CPD: variants seen among roughly 807,000 people sequenced by gnomAD.
The protein encoded by CPD is metallocarboxypeptidase D.
In CPD, 69 loss-of-function variants were observed where a neutral mutation model predicts 138.3. The observed-to-expected ratio is 0.50, with a 90% CI of 0.41 to 0.61. The LOEUF is 0.61. Ranked by LOEUF, CPD falls within the 20% of genes least tolerant of loss-of-function variation. The pLI, the probability that CPD is intolerant of heterozygous loss-of-function variation, is 0.00. For missense variants in CPD, 1,432 were observed against 1,733.3 expected, an observed-to-expected ratio of 0.83 and a Z score of 3.09; for synonymous variants, 651 against 642.1, an observed-to-expected ratio of 1.01 and a Z score of -0.21.
chr17:30,385,112 C>T lies in CPD; in HGVS notation c.870C>T (p.Tyr290=), dbSNP rs958801459. Residue 290 remains tyrosine, a synonymous_variant, in exon 2 of 21, where the codon TAC becomes TAT. Transcript: ENST00000225719. ...CCTCAGATGATGAAGTATTTAAATA[C>T]TTGGCAAAAGCTTATGCTTCAAACC... ...SKTSDDEVFK[Y]LAKAYASNHP... 6 of 1,613,922 alleles carry T rather than the reference C, an allele frequency of 3.7e-6. No individual in the cohort carries two copies. The highest frequency in any genetic ancestry group is 4.2e-6 in the Non-Finnish European group (5 of 1,179,984).
rs890591373 is a variant in CPD, at chr17:30,443,360, A to G, written c.2374-442A>G. Among the ~76,000 whole-genome samples, 6 of 152,292 alleles carry G rather than the reference A, an allele frequency of 3.9e-5. No homozygotes were observed. The South Asian group carries it at 1.2e-3, about 32-fold the overall frequency. Reference sequence around the variant, plus strand: ...ATACTTAGTTTATATTTAAATGTCCATATTTGTCCCCAAAATGTAATTTTA... The same window carrying G: ...ATACTTAGTTTATATTTAAATGTCCGTATTTGTCCCCAAAATGTAATTTTA... On this transcript the variant is annotated intron_variant, in intron 10 of 20. Transcript: ENST00000225719.
chr17:30,411,129 C>T (rs1473641934), intron 2 of CPD, among the ~76,000 whole-genome samples: 2 of 152,138 alleles, frequency 1.3e-5, no homozygotes, highest in Non-Finnish European at 2.9e-5. Flanking sequence ...CTTAGTTTGG[C>T]TGGATATGAA....
In CPD at chr17:30,468,707, A is replaced by G. The variant is rs1351569747; in HGVS notation, c.*3893A>G. 1 of 152,560 alleles carries G rather than the reference A, an allele frequency of 6.6e-6. No homozygotes were observed. The highest frequency in any genetic ancestry group is 1.5e-5 in the Non-Finnish European group (1 of 68,006). 9.5% of individuals were successfully genotyped at this position (152,560 alleles called of 1,614,324 possible). ...TTTGTCTTTCTTTGTGTTTTGTCTC[A>G]TAATCTTTTTTCAGATGCAATATGC... On this transcript the variant is annotated 3_prime_UTR_variant, in exon 21 of 21. Transcript: ENST00000225719.
intron 13 of CPD, 48 bp downstream of exon 13, chr17:30,449,796 C>A (rs1199014880): frequency 1.4e-6 from 2 of 1,473,180 alleles, no homozygotes; most frequent in Non-Finnish European, 1.8e-6. Flanking sequence ...AAAAGCTCAA[C>A]ATTAATATCA....
chr17:30,391,589 A>G (rs559777603), intron 2 of CPD, among the ~76,000 whole-genome samples: 9 of 152,286 alleles, frequency 5.9e-5, no homozygotes, highest in African/African-American at 1.9e-4. Flanking sequence ...AGGCAGTGCA[A>G]TGTAGTGGCA....
At chr17:30,402,725 T>A (rs1911707020) in intron 2 of CPD, among the ~76,000 whole-genome samples, 1 of 152,234 alleles carries the variant, frequency 6.6e-6, no homozygotes, top group Non-Finnish European at 1.5e-5. Context: ...TTACTGGTTA[T>A]TTGAATGTCA....
In CPD at chr17:30,461,248, T is replaced by C. The variant is rs900948255; in HGVS notation, c.3567T>C (p.Ser1189=). 3.1e-6 allele frequency: 5 copies of C among 1,612,666 alleles called. No individual in the cohort carries two copies. Among genetic ancestry groups the C allele is most frequent in the Non-Finnish European group, 4.2e-6 (5 of 1,179,282 alleles). Residue 1189 remains serine (S), a synonymous_variant, in exon 18 of 21, where the codon AGT becomes AGC. Coordinates refer to ENST00000225719, the MANE Select transcript of CPD (RefSeq NM_001304.5). Reference sequence around the variant, plus strand: ...ACACAAGCTGCTGTTACTTTCCTAGTGCTGCACGACTCCCTTCCTTGTGGG... The same window carrying C: ...ACACAAGCTGCTGTTACTTTCCTAGCGCTGCACGACTCCCTTCCTTGTGGG... The part of the protein sequence containing the change: ...TVYTSCCYFP[S]AARLPSLWAD...
chr17:30,403,046 CGGTGAGCAGAGATA>C (rs1428304099), intron 2 of CPD, among the ~76,000 whole-genome samples: 4 of 152,084 alleles, frequency 2.6e-5, no homozygotes, highest in Admixed American at 6.5e-5. Context: ...GTGGAGGTTG[CGGTGAGCAGAGATA>C]GTGCCATTGC....
intron 2 of CPD, among the ~76,000 whole-genome samples, chr17:30,403,911 A>G (rs1911738941): frequency 6.6e-6 from 1 of 152,206 alleles, no homozygotes; most frequent in African/African-American, 2.4e-5. Context: ...AACTACTTTT[A>G]TTCAATAGAA....
intron 4 of CPD, among the ~76,000 whole-genome samples, 174 bp downstream of exon 4, chr17:30,422,007 CAT>C (rs1300764524): frequency 6.6e-6 from 1 of 151,824 alleles, no homozygotes; most frequent in Non-Finnish European, 1.5e-5. Flanking sequence ...TTTTTTGTCA[CAT>C]AGTCTAATAG....
At chr17:30,442,560 T>C (rs1234170779) in intron 10 of CPD, 110 bp downstream of exon 10, 1 of 1,005,810 alleles carries the variant, frequency 9.9e-7, no homozygotes, top group Non-Finnish European at 1.5e-6. Flanking sequence ...AAAATTTCAA[T>C]TCATTTTAGT....
At chr17:30,388,494 A>G (rs1911257016) in intron 2 of CPD, among the ~76,000 whole-genome samples, 2 of 152,336 alleles carry the variant, frequency 1.3e-5, no homozygotes, top group South Asian at 4.1e-4. Flanking sequence ...ACAGGGCCCA[A>G]GCATGTGCGT....
chr17:30,404,147 G>A (rs774321400), intron 2 of CPD, among the ~76,000 whole-genome samples: 1 of 152,084 alleles, frequency 6.6e-6, no homozygotes, highest in South Asian at 2.1e-4. Context: ...TATTGTGGTG[G>A]TAGTTATGTG....
rs1209245000 is a variant in CPD, at chr17:30,469,902, TA to T, written c.*5091del. ...TCAAGAACCCTTTTGGTTTGTTTCA[TA>T]AACAGTAATCTAGTTATTATGTTCA... On this transcript the variant is annotated 3_prime_UTR_variant, in exon 21 of 21. Transcript: ENST00000225719. The T allele has an allele frequency of 6.6e-6, 1 of 152,180 alleles. No individual in the cohort carries two copies. The highest frequency in any genetic ancestry group is 1.5e-5 in the Non-Finnish European group (1 of 68,016). The allele number at this position is 152,180 out of a possible 1,614,324, so 9.4% of individuals were successfully genotyped here.
chr17:30,450,660 AC>A (rs1217446916), intron 13 of CPD, among the ~76,000 whole-genome samples: 1 of 152,144 alleles, frequency 6.6e-6, no homozygotes, highest in Non-Finnish European at 1.5e-5. Flanking sequence ...GGCGTTTGAG[AC>A]CAGCCAGAGC....
rs62068725 is a variant in CPD, at chr17:30,431,629, A to T, written c.2018-143A>T. ...TTATTCACTTTGAATTGAAGAAATT[A>T]GTGTAATTTTCATTTCTGTTGAGGA... On this transcript the variant is annotated intron_variant, in intron 7 of 20. Transcript: ENST00000225719. 948 of 624,720 alleles carry T rather than the reference A, an allele frequency of 1.5e-3. 1 individual carries two copies. Among genetic ancestry groups the T allele is most frequent in the Non-Finnish European group, 2.1e-3 (742 of 356,520 alleles). The allele number at this position is 624,720 out of a possible 1,614,324, so 38.7% of individuals were successfully genotyped here.
chr17:30,419,667 A>G (rs780325602), intron 2 of CPD, among the ~76,000 whole-genome samples: 1 of 152,178 alleles, frequency 6.6e-6, no homozygotes, highest in Non-Finnish European at 1.5e-5. Context: ...TTTAAACATC[A>G]TAGAATGCGA....
chr17:30,394,893 A>ATGTGTGTG (rs1204444829), intron 2 of CPD, among the ~76,000 whole-genome samples: 1 of 106,314 alleles, frequency 9.4e-6, no homozygotes, highest in African/African-American at 3.9e-5. Flanking sequence ...GCGAGTGAGC[A>ATGTGTGTG]TGTGTGTATG....
intron 7 of CPD, among the ~76,000 whole-genome samples, chr17:30,429,129 A>G (rs1430893309): frequency 6.6e-6 from 1 of 152,210 alleles, no homozygotes; most frequent in Non-Finnish European, 1.5e-5. Context: ...GTAATCATAT[A>G]TTGTTCTCAA....
Sources: allele counts gnomAD v4.1 joint callset (sites outside exome capture counted in the v4.1 genomes callset), GRCh38; gene constraint gnomAD v4.1.1; transcripts MANE v1.5; gene names NCBI Gene and HGNC (gene_info 2026-07-23, HGNC 2026-07-21).